Variants in TM4SF18 observed in about 807,000 individuals in gnomAD.
TM4SF18 encodes the protein transmembrane 4 L6 family member 18.
TM4SF18 carries 22 observed loss-of-function variants against 23.8 expected under a neutral mutation model. The ratio of observed to expected loss-of-function variants is 0.92; its 90% CI spans 0.66 to 1.32. The LOEUF is 1.32. Ranked by LOEUF, TM4SF18 falls within the 40% of genes most tolerant of loss-of-function variation. TM4SF18 has a pLI of 0.00. For synonymous variants in TM4SF18, 87 were observed against 87.9 expected (o/e 0.99, Z 0.06); for missense variants, 255 against 240.3 (o/e 1.06, Z -0.41).
intron 2 of TM4SF18, 118 bp from the exon 3 acceptor site, chr3:149,330,537 T>A (rs899960291): frequency 8.4e-6 from 5 of 596,132 alleles, no homozygotes; most frequent in African/African-American, 7.5e-5. Context: ...TGGATTTGAA[T>A]CCAAGCTCTG....
chr3:149,330,378 A>G lies in TM4SF18; in HGVS notation c.219T>C (p.Asn73=). The G allele has an allele frequency of 6.2e-7, 1 of 1,611,400 alleles. No homozygotes were observed. The highest frequency in any genetic ancestry group is 8.5e-7 in the Non-Finnish European group (1 of 1,178,510). The change falls in exon 3 of 6, where the codon AAT becomes AAC. Residue 73 remains asparagine (N), a synonymous_variant. Coordinates refer to ENST00000296059, the MANE Select transcript of TM4SF18 (RefSeq NM_138786.4). The part of the protein sequence containing the change: ...VTTVLLVLEN[N]NNYKCCQSEN... ...CACTCTGGCAACATTTATAGTTGTT[A>G]TTATTCTCCAGTACCAGAAGAACTG... is the stretch of plus-strand genomic sequence containing the variant.
chr3:149,323,088 C>T (rs1033099175), intron 4 of TM4SF18, among the ~76,000 whole-genome samples: 3 of 151,894 alleles, frequency 2.0e-5, no homozygotes, highest in South Asian at 2.1e-4. Flanking sequence ...TTAGTAGAGA[C>T]GGGGTTTCAC....
intron 3 of TM4SF18, among the ~76,000 whole-genome samples, chr3:149,327,225 C>T (rs941882980): frequency 2.0e-5 from 3 of 152,224 alleles, no homozygotes; most frequent in Admixed American, 6.5e-5. Flanking sequence ...GCTGGGATTA[C>T]AGGCATGAGC....
Position 149,330,311 on chromosome 3 carries a change from A to G in TM4SF18, c.267+19T>C, listed in dbSNP as rs1036875187. 3.8e-6 allele frequency: 6 copies of G among 1,586,064 alleles called. No individual in the cohort carries two copies. Among genetic ancestry groups the G allele is most frequent in the Middle Eastern group, 1.7e-4 (1 of 6,002 alleles). ...GCTGGAGCCCACTCAACCATCCTCA[A>G]AAAAACTGTTGCTCTTACCACATAT... On this transcript the variant is annotated intron_variant, in intron 3 of 5. Transcript: ENST00000296059.
At chr3:149,322,862 T>C (rs1730842311) in intron 4 of TM4SF18, among the ~76,000 whole-genome samples, 1 of 151,894 alleles carries the variant, frequency 6.6e-6, no homozygotes, top group Non-Finnish European at 1.5e-5. Flanking sequence ...GATTTGGGTC[T>C]GCAGGATGTT....
In TM4SF18 at chr3:149,321,419, T is replaced by A; in HGVS notation, c.*59A>T. The A allele has an allele frequency of 1.5e-6, 2 of 1,310,530 alleles. No individual in the cohort carries two copies. Among genetic ancestry groups the A allele is most frequent in the South Asian group, 1.4e-5 (1 of 70,096 alleles). The allele number at this position is 1,310,530 out of a possible 1,614,324, so 81.2% of individuals were successfully genotyped here. A position where few individuals can be genotyped will look rare whatever the true frequency, so the allele number is the denominator to read the frequency against. Reference sequence around the variant, plus strand: ...CAATATTGCCCTCAAGTCTACACAGTTGATATAATATTTAGATAGATGGCC... The same window carrying A: ...CAATATTGCCCTCAAGTCTACACAGATGATATAATATTTAGATAGATGGCC... On this transcript the variant is annotated 3_prime_UTR_variant, in exon 6 of 6. Coordinates refer to ENST00000296059, the MANE Select transcript of TM4SF18 (RefSeq NM_138786.4).
Position 149,321,364 on chromosome 3 carries a change from A to G in TM4SF18, c.*114T>C, listed in dbSNP as rs1730801722. 6.5e-6 allele frequency: 5 copies of G among 773,734 alleles called. No individual in the cohort carries two copies. Among genetic ancestry groups the G allele is most frequent in the Non-Finnish European group, 9.9e-6 (5 of 507,180 alleles). The allele number at this position is 773,734 out of a possible 1,614,324, so 47.9% of individuals were successfully genotyped here. ...TGAGGACTGCAAATTTTTTACAAATAAACACCAAATGCAGAAAGCACCATC... is the reference window on the plus strand; with the variant it reads ...TGAGGACTGCAAATTTTTTACAAATGAACACCAAATGCAGAAAGCACCATC... On this transcript the variant is annotated 3_prime_UTR_variant, in exon 6 of 6. Coordinates refer to ENST00000296059, the MANE Select transcript of TM4SF18 (RefSeq NM_138786.4).
At chr3:149,324,734 G>A (rs1730894134) in intron 4 of TM4SF18, 146 bp downstream of exon 4, 2 of 999,360 alleles carry the variant, frequency 2.0e-6, no homozygotes, top group African/African-American at 1.6e-5. Flanking sequence ...AAATTGGTCT[G>A]GATATTAGTA....
At chr3:149,322,643 T>G (rs1311348105) in intron 4 of TM4SF18, among the ~76,000 whole-genome samples, 2 of 152,224 alleles carry the variant, frequency 1.3e-5, no homozygotes, top group African/African-American at 4.8e-5. Context: ...AATGTTGTGC[T>G]TGCCTTATCA....
At position 149,333,579 on chromosome 3, in the gene TM4SF18, G is replaced by C. The variant is rs1390200474; in HGVS notation, c.-84C>G. 2.4e-6 allele frequency: 1 copy of C among 423,338 alleles called. No individual in the cohort carries two copies. The highest frequency in any genetic ancestry group is 2.2e-5 in the African/African-American group (1 of 46,058). 26.2% of individuals were successfully genotyped at this position (423,338 alleles called of 1,614,324 possible). On this transcript the variant is annotated 5_prime_UTR_variant, in exon 1 of 6. Coordinates refer to ENST00000296059, the MANE Select transcript of TM4SF18 (RefSeq NM_138786.4). ...GACGGGGAATTGGAATATACCCGCA[G>C]CCGACAATCTCAGTGTGAAATACTG...
At chr3:149,330,132 T>A (rs1731057374) in intron 3 of TM4SF18, 198 bp downstream of exon 3, 1 of 383,052 alleles carries the variant, frequency 2.6e-6, no homozygotes, top group African/African-American at 2.1e-5. Flanking sequence ...ATGCTGATTT[T>A]CTGAAAGTGC....
intron 3 of TM4SF18, 93 bp downstream of exon 3, chr3:149,330,237 G>A (rs1731059829): frequency 2.7e-6 from 2 of 749,686 alleles, no homozygotes; most frequent in Admixed American, 2.3e-5. Context: ...ACAGTAGTGA[G>A]GGTATAATAC....
chr3:149,330,970 T>C (rs1412756581), intron 2 of TM4SF18, among the ~76,000 whole-genome samples: 1 of 152,232 alleles, frequency 6.6e-6, no homozygotes, highest in Non-Finnish European at 1.5e-5. Flanking sequence ...GTTTTGTCTG[T>C]ATCAAGCCAA....
At position 149,319,624 on chromosome 3, in the gene TM4SF18, A is replaced by T. The variant is rs1343260360; in HGVS notation, c.*1854T>A. 1 of 152,270 alleles carries T rather than the reference A, an allele frequency of 6.6e-6. No homozygotes were observed. The highest frequency in any genetic ancestry group is 1.5e-5 in the Non-Finnish European group (1 of 68,082). The allele number at this position is 152,270 out of a possible 1,614,324, so 9.4% of individuals were successfully genotyped here. On this transcript the variant is annotated 3_prime_UTR_variant, in exon 6 of 6. Coordinates refer to ENST00000296059, the MANE Select transcript of TM4SF18 (RefSeq NM_138786.4). Reference sequence around the variant, plus strand: ...AGAAGAAAGACTATCTAGGAATCCAAGAACAGAAACCAGGCCTAGGGTACA... The same window carrying T: ...AGAAGAAAGACTATCTAGGAATCCATGAACAGAAACCAGGCCTAGGGTACA...
intron 2 of TM4SF18, among the ~76,000 whole-genome samples, chr3:149,332,192 GATATTA>G (rs10576704): frequency 0.15 from 22,539 of 151,922 alleles, 1,783 homozygotes; most frequent in East Asian, 0.32. Flanking sequence ...AATAGCATTG[GATATTA>G]ATATTTTAAA....
chr3:149,328,603 G>A (rs965152005), intron 3 of TM4SF18, among the ~76,000 whole-genome samples: 1 of 152,142 alleles, frequency 6.6e-6, no homozygotes, highest in South Asian at 2.1e-4. Flanking sequence ...CAATTGAAAA[G>A]TTTTACATAA....
At position 149,324,939 on chromosome 3, in the gene TM4SF18, T is replaced by G; in HGVS notation, c.351A>C (p.Gln117His). 6.2e-7 allele frequency: 1 copy of G among 1,614,150 alleles called. No individual in the cohort carries two copies. ...CATCAAGGGTGCGGCAATATGGCCC[T>G]TGGACAAGACCCAAGGCAGAGATGA... is the stretch of plus-strand genomic sequence containing the variant. The part of the protein sequence containing the change: ...CLVISALGLV[Q>H]GPYCRTLDGW... The change falls in exon 4 of 6, where the codon CAA becomes CAC. Residue 117 changes from glutamine (Q) to histidine (H), a missense_variant. Transcript: ENST00000296059.
At chr3:149,323,089 G>A (rs766656920) in intron 4 of TM4SF18, among the ~76,000 whole-genome samples, 2 of 151,814 alleles carry the variant, frequency 1.3e-5, no homozygotes, top group Non-Finnish European at 2.9e-5. Context: ...TAGTAGAGAC[G>A]GGGTTTCACC....
chr3:149,329,082 T>A (rs1731019460), intron 3 of TM4SF18, among the ~76,000 whole-genome samples: 1 of 151,890 alleles, frequency 6.6e-6, no homozygotes, highest in Admixed American at 6.6e-5. Context: ...ATTTATTATT[T>A]CCCCTAGGCA....
Sources: allele counts gnomAD v4.1 joint callset (sites outside exome capture counted in the v4.1 genomes callset), GRCh38; gene constraint gnomAD v4.1.1; transcripts MANE v1.5; gene names NCBI Gene and HGNC (gene_info 2026-07-23, HGNC 2026-07-21).